Variants in OPRM1 observed in about 807,000 individuals in gnomAD.
OPRM1 encodes the protein mu-type opioid receptor.
OPRM1 carries 27 observed loss-of-function variants against 31.8 expected under a neutral mutation model. The ratio of observed to expected loss-of-function variants is 0.85; its 90% CI spans 0.63 to 1.17. The LOEUF (loss-of-function observed/expected upper bound fraction) is 1.17. Ranked by LOEUF, OPRM1 falls within the 50% of genes most tolerant of loss-of-function variation. OPRM1 has a pLI of 0.00. For synonymous variants in OPRM1, 196 were observed against 189.9 expected (o/e 1.03, Z -0.26); for missense variants, 536 against 511.1 (o/e 1.05, Z -0.47).
At chr6:154,105,791 T>C (rs1272399285) in intron 3 of OPRM1, among the ~76,000 whole-genome samples, 3 of 152,208 alleles carry the variant, frequency 2.0e-5, no homozygotes, top group African/African-American at 7.2e-5. Context: ...TCATTTCACA[T>C]TTGATAACAC....
chr6:154,093,143 C>T, intron 3 of OPRM1: 1 of 736,832 alleles, frequency 1.4e-6, no homozygotes. Context: ...CTGGGGATAA[C>T]ATGTTAAAGA....
intron 3 of OPRM1, among the ~76,000 whole-genome samples, chr6:154,162,687 T>C (rs945711002): frequency 2.3e-5 from 3 of 133,106 alleles, no homozygotes; most frequent in Non-Finnish European, 3.4e-5. Flanking sequence ...CCAGCTTGTA[T>C]CCTGTTCTCT....
chr6:154,075,996 T>G (rs1787818357), intron 1 of OPRM1, among the ~76,000 whole-genome samples: 1 of 152,220 alleles, frequency 6.6e-6, no homozygotes, highest in African/African-American at 2.4e-5. Context: ...TCATTATCAT[T>G]ACTCTTCTTC....
intron 3 of OPRM1, among the ~76,000 whole-genome samples, chr6:154,189,981 T>G (rs1434810119): frequency 6.6e-6 from 1 of 151,766 alleles, no homozygotes; most frequent in Non-Finnish European, 1.5e-5. Flanking sequence ...CACATTAATA[T>G]GTACAATTGT....
At chr6:154,187,459 C>T (rs1317356580) in intron 3 of OPRM1, among the ~76,000 whole-genome samples, 1 of 152,184 alleles carries the variant, frequency 6.6e-6, no homozygotes, top group Non-Finnish European at 1.5e-5. Context: ...ATAAAAAGCA[C>T]TTGACAAATA....
chr6:154,091,128 G>A lies in OPRM1; in HGVS notation c.820G>A (p.Asp274Asn), dbSNP rs17174829. 436 of 1,614,212 alleles carry A rather than the reference G, an allele frequency of 2.7e-4. No individual in the cohort carries two copies. Among genetic ancestry groups the A allele is most frequent in the Non-Finnish European group, 3.6e-4 (421 of 1,180,038 alleles). Residue 274 changes from aspartate (D) to asparagine (N), a missense_variant, in exon 3 of 4, where the codon GAC (aspartate) becomes AAC (asparagine). Coordinates refer to ENST00000330432, the MANE Select transcript of OPRM1 (RefSeq NM_000914.5). ...CATGCTCTCTGGCTCCAAAGAAAAG[G>A]ACAGGAATCTTCGAAGGATCACCAG... Reference protein sequence around the residue: ...VRMLSGSKEKDRNLRRITRMV... With the variant: ...VRMLSGSKEKNRNLRRITRMV...
intron 3 of OPRM1, among the ~76,000 whole-genome samples, chr6:154,232,274 G>A (rs1461097496): frequency 2.0e-5 from 3 of 152,194 alleles, no homozygotes; most frequent in Non-Finnish European, 4.4e-5. Context: ...AAGAAAAAAT[G>A]TCTGTGTTTT....
intron 3 of OPRM1, among the ~76,000 whole-genome samples, chr6:154,115,487 CAG>C (rs1383260945): frequency 1.3e-5 from 2 of 152,208 alleles, no homozygotes; most frequent in South Asian, 2.1e-4. Flanking sequence ...TTGCAGTGAG[CAG>C]AGATTATACC....
intron 3 of OPRM1, among the ~76,000 whole-genome samples, chr6:154,114,498 G>C (rs1040867841): frequency 2.0e-5 from 3 of 152,222 alleles, no homozygotes; most frequent in Admixed American, 6.5e-5. Context: ...ACCTATTGGC[G>C]ATAAATAACA....
intron 3 of OPRM1, among the ~76,000 whole-genome samples, chr6:154,236,169 A>G (rs905837439): frequency 6.6e-6 from 1 of 152,244 alleles, no homozygotes; most frequent in African/African-American, 2.4e-5. Context: ...ATATGAGTCA[A>G]TAAACAAAAT....
chr6:154,060,965 T>C (rs79835171), intron 1 of OPRM1, among the ~76,000 whole-genome samples: 139 of 152,284 alleles, frequency 9.1e-4, no homozygotes, highest in Non-Finnish European at 1.8e-3. Context: ...GGAGCAGAAA[T>C]ACACTGGTAA....
chr6:154,135,546 C>T (rs1265948416), downstream of OPRM1, among the ~76,000 whole-genome samples: 1 of 138,782 alleles, frequency 7.2e-6, no homozygotes, highest in African/African-American at 2.6e-5. Flanking sequence ...GATATTTTGT[C>T]AAGCATACTA....
intron 3 of OPRM1, among the ~76,000 whole-genome samples, chr6:154,209,104 A>G (rs1777746388): frequency 6.6e-6 from 1 of 152,228 alleles, no homozygotes; most frequent in Admixed American, 6.5e-5. Context: ...TTCATTGTTT[A>G]TCTTGACTCT....
intron 3 of OPRM1, among the ~76,000 whole-genome samples, chr6:154,209,322 G>T (rs564550351): frequency 2.0e-5 from 3 of 152,224 alleles, no homozygotes; most frequent in Admixed American, 6.5e-5. Context: ...AGCCTATACT[G>T]TATTGGGCCA....
chr6:154,057,498 C>T (rs998413687), intron 1 of OPRM1, among the ~76,000 whole-genome samples: 3 of 152,150 alleles, frequency 2.0e-5, no homozygotes, highest in African/African-American at 7.2e-5. Context: ...CCAAGCCCAT[C>T]AATGTGATAA....
intron 3 of OPRM1, among the ~76,000 whole-genome samples, chr6:154,222,022 A>T (rs1583836919): frequency 1.3e-5 from 2 of 152,372 alleles, no homozygotes; most frequent in South Asian, 4.1e-4. Flanking sequence ...TACTTCAAGC[A>T]AGGTATTTCT....
At chr6:154,094,231 CT>C (rs1792949455) in intron 3 of OPRM1, 2 of 1,287,512 alleles carry the variant, frequency 1.6e-6, no homozygotes, top group African/African-American at 1.5e-5. Context: ...AATATCAAAC[CT>C]TCCCAGGGTG....
At chr6:154,181,350 A>G (rs1463726734) in intron 3 of OPRM1, among the ~76,000 whole-genome samples, 2 of 152,152 alleles carry the variant, frequency 1.3e-5, no homozygotes, top group African/African-American at 4.8e-5. Flanking sequence ...TAATTCTTAG[A>G]CCAACGTTAT....
At chr6:154,205,829 T>C (rs1777448356) in intron 3 of OPRM1, among the ~76,000 whole-genome samples, 1 of 152,076 alleles carries the variant, frequency 6.6e-6, no homozygotes, top group Non-Finnish European at 1.5e-5. Flanking sequence ...TATTCCTTCC[T>C]TTCTAACACA....
Sources: gnomAD v4.1 joint callset for allele counts (sites outside exome capture counted in the v4.1 genomes callset) on GRCh38, gnomAD v4.1.1 for gene constraint, MANE v1.5 for transcripts, NCBI Gene and HGNC (gene_info 2026-07-23, HGNC 2026-07-21) for gene names.